Variants in CALN1 observed in about 807,000 individuals in gnomAD.
CALN1 encodes the protein calcium-binding protein 8.
In CALN1, 17 loss-of-function variants were observed where a neutral mutation model predicts 30.6. The ratio of observed to expected loss-of-function variants is 0.56; its 90% CI spans 0.38 to 0.83. The LOEUF (loss-of-function observed/expected upper bound fraction) is 0.83. CALN1 is among the 40% of genes least tolerant of loss of function. The probability of loss-of-function intolerance (pLI) is 0.00; values close to 1 mark genes in which losing one functional copy is unlikely to be tolerated. For synonymous variants in CALN1, 156 were observed against 131.4 expected (o/e 1.19, Z -1.28); for missense variants, 291 against 354.9 (o/e 0.82, Z 1.45).
chr7:72,052,603 G>T (rs1802908111), intron 4 of CALN1, among the ~76,000 whole-genome samples: 1 of 152,200 alleles, frequency 6.6e-6, no homozygotes, highest in South Asian at 2.1e-4. Flanking sequence ...CTTGTTTCTG[G>T]TCAGGTGAAC....
In CALN1 at chr7:71,812,928, TC is replaced by T. The variant is rs1392086010; in HGVS notation, c.502-2437del. On this transcript the variant is annotated intron_variant, in intron 5 of 6. Transcript: ENST00000395275. ...CCAGCTATTTTATTTATCATCATCA[TC>T]ATTATTATTATTATTATTATTATTA... Among the ~76,000 whole-genome samples, 111 of 91,128 alleles carry T rather than the reference TC, an allele frequency of 1.2e-3. 1 individual carries two copies. The highest frequency in any genetic ancestry group is 3.2e-3 in the African/African-American group (94 of 29,716). 59.8% of individuals were successfully genotyped at this position (91,128 alleles called of 152,430 possible). A position where few individuals can be genotyped will look rare whatever the true frequency, so the allele number is the denominator to read the frequency against.
At chr7:72,153,095 A>G (rs1390061769) in intron 3 of CALN1, among the ~76,000 whole-genome samples, 1 of 152,186 alleles carries the variant, frequency 6.6e-6, no homozygotes, top group Non-Finnish European at 1.5e-5. Context: ...TAAATCAGTC[A>G]CAAACAGTGA....
intron 4 of CALN1, among the ~76,000 whole-genome samples, chr7:72,079,504 A>C (rs1804971053): frequency 6.6e-6 from 1 of 152,120 alleles, no homozygotes; most frequent in South Asian, 2.1e-4. Flanking sequence ...TACGAGAGTA[A>C]TTGGTGTTTG....
chr7:71,978,468 G>T (rs1481891748), intron 5 of CALN1, among the ~76,000 whole-genome samples: 6 of 151,730 alleles, frequency 4.0e-5, no homozygotes, highest in Admixed American at 3.9e-4. Flanking sequence ...TAGAGACGGG[G>T]TTTCACCGTG....
At chr7:72,023,206 C>T (rs1406702057) in intron 5 of CALN1, among the ~76,000 whole-genome samples, 1 of 152,070 alleles carries the variant, frequency 6.6e-6, no homozygotes, top group Admixed American at 6.6e-5. Flanking sequence ...GAAACAGGAG[C>T]TAATTGAGAA....
chr7:71,870,644 T>C lies in CALN1; in HGVS notation c.502-60152A>G, dbSNP rs116214657. Among the ~76,000 whole-genome samples the C allele has an allele frequency of 5.0e-3, 757 of 152,304 alleles. 9 individuals are homozygous for C. Among genetic ancestry groups the C allele is most frequent in the African/African-American group, 0.016 (654 of 41,562 alleles). ...TTTTGATATTGAGTCTCTGTTACTT[T>C]TATAATTAGGAGAACAACAAGCTCC... is the stretch of plus-strand genomic sequence containing the variant. On this transcript the variant is annotated intron_variant, in intron 5 of 6. Transcript: ENST00000395275.
Position 71,844,199 on chromosome 7 carries a change from C to A in CALN1, c.502-33707G>T, listed in dbSNP as rs1790106951. Among the ~76,000 whole-genome samples, 3 of 152,100 alleles carry A rather than the reference C, an allele frequency of 2.0e-5. 1 individual carries two copies. The highest frequency in any genetic ancestry group is 4.4e-5 in the Non-Finnish European group (3 of 68,018). ...TTCTGAAGCCTCATTCTTGGGAATT[C>A]CTTTTATGATGGTGATCTATGTCAT... is the stretch of plus-strand genomic sequence containing the variant. On this transcript the variant is annotated intron_variant, in intron 5 of 6. Coordinates refer to ENST00000395275, the MANE Select transcript of CALN1 (RefSeq NM_031468.4).
rs143955395 is a variant in CALN1 at position 72,216,320 on chromosome 7, G to T, written c.244+62366C>A. 1.4e-4 allele frequency among the ~76,000 whole-genome samples: 21 copies of T among 151,998 alleles called. No individual in the cohort carries two copies. In the East Asian group the frequency reaches 4.1e-3, roughly 29 times the overall value. ...GTGCACCTGTAGTCCCAGATACTCG[G>T]GAGGCCTAAGCAGGAGGATCACTGG... On this transcript the variant is annotated intron_variant, in intron 3 of 6. Coordinates refer to ENST00000395275, the MANE Select transcript of CALN1 (RefSeq NM_031468.4).
chr7:72,194,592 C>CTTT lies in CALN1; in HGVS notation c.244+84091_244+84093dup, dbSNP rs1181135798. Among the ~76,000 whole-genome samples the CTTT allele has an allele frequency of 4.4e-3, 510 of 115,676 alleles. 9 individuals carry two copies. The highest frequency in any genetic ancestry group is 0.017 in the East Asian group (61 of 3,612). 75.9% of individuals were successfully genotyped at this position (115,676 alleles called of 152,430 possible). Reference sequence around the variant, plus strand: ...CAGAAGGGGATCTCCTAACTGGCCTCTTTTTTTTTTTTTTTTTTTTGACAG... The same window carrying CTTT: ...CAGAAGGGGATCTCCTAACTGGCCTCTTTTTTTTTTTTTTTTTTTTTTTGACAG... On this transcript the variant is annotated intron_variant, in intron 3 of 6. Coordinates refer to ENST00000395275, the MANE Select transcript of CALN1 (RefSeq NM_031468.4).
At chr7:72,298,730 C>T (rs1459024264) in intron 2 of CALN1, among the ~76,000 whole-genome samples, 1 of 150,722 alleles carries the variant, frequency 6.6e-6, no homozygotes, top group African/African-American at 2.4e-5. Context: ...TGGGAGGTGA[C>T]TGAATTATGG....
chr7:72,082,433 C>T (rs1476278583), intron 4 of CALN1, among the ~76,000 whole-genome samples: 1 of 152,192 alleles, frequency 6.6e-6, no homozygotes, highest in Admixed American at 6.5e-5. Context: ...GGCAGGAGAG[C>T]TGAGGGAAAT....
At chr7:72,359,023 A>G (rs1322935316) in intron 2 of CALN1, among the ~76,000 whole-genome samples, 1 of 151,240 alleles carries the variant, frequency 6.6e-6, no homozygotes, top group South Asian at 2.1e-4. Context: ...ACCTCATCAC[A>G]GTGCATCCTT....
intron 2 of CALN1, among the ~76,000 whole-genome samples, chr7:72,303,875 A>G (rs1799465022): frequency 6.6e-6 from 1 of 152,192 alleles, no homozygotes; most frequent in Non-Finnish European, 1.5e-5. Flanking sequence ...CTCTGTCTCG[A>G]GAAAATAAAA....
chr7:72,499,393 T>C, the CALN1 span, among the ~76,000 whole-genome samples: 2 of 152,226 alleles, frequency 1.3e-5, no homozygotes, highest in Non-Finnish European at 2.9e-5. Flanking sequence ...ACACTACAAA[T>C]TATTAATTAA....
intron 3 of CALN1, among the ~76,000 whole-genome samples, chr7:72,130,328 G>A (rs1338882050): frequency 6.6e-6 from 1 of 152,158 alleles, no homozygotes; most frequent in Non-Finnish European, 1.5e-5. Context: ...ATATCCTGAT[G>A]TGGAATGACC....
In CALN1 at chr7:71,984,787, C is replaced by A. The variant is rs951895718; in HGVS notation, c.501+38870G>T. Among the ~76,000 whole-genome samples the A allele has an allele frequency of 9.9e-5, 15 of 152,260 alleles. No individual in the cohort carries two copies. The East Asian group carries it at 2.5e-3, about 26-fold the overall frequency. ...AACTTTAGCATACACTTAGAGTAACCCTGTATGGCAAACACACCTGAATGA... is the reference window on the plus strand; with the variant it reads ...AACTTTAGCATACACTTAGAGTAACACTGTATGGCAAACACACCTGAATGA... On this transcript the variant is annotated intron_variant, in intron 5 of 6. Coordinates refer to ENST00000395275, the MANE Select transcript of CALN1 (RefSeq NM_031468.4).
intron 5 of CALN1, among the ~76,000 whole-genome samples, chr7:71,828,712 A>ATGTG: frequency 7.4e-6 from 1 of 135,572 alleles, no homozygotes; most frequent in African/African-American, 3.6e-5. Flanking sequence ...ACATATATAT[A>ATGTG]TGTATATGTG....
rs1014417901 is a variant in CALN1 at position 71,779,654 on chromosome 7, C to A, written c.*8121G>T. 2 of 152,010 alleles carry A rather than the reference C, an allele frequency of 1.3e-5. No homozygotes were observed. The highest frequency in any genetic ancestry group is 2.4e-5 in the African/African-American group (1 of 41,370). The allele number at this position is 152,010 out of a possible 1,614,324, so 9.4% of individuals were successfully genotyped here. On this transcript the variant is annotated 3_prime_UTR_variant, in exon 7 of 7. Coordinates refer to ENST00000395275, the MANE Select transcript of CALN1 (RefSeq NM_031468.4). ...TAAGATAACATATTAATAATATATA[C>A]TTCATTTGATCGGTAAGTTGCATGC...
In CALN1 at chr7:72,287,735, T is replaced by C. The variant is rs1798184618; in HGVS notation, c.120-8925A>G. The stretch of plus-strand genomic sequence containing the variant: ...TGCTGGGATTACAGGCGTGAGCCAC[T>C]ACGCCCAGCCTAGTTAATTTTTAAC... On this transcript the variant is annotated intron_variant, in intron 2 of 6. Coordinates refer to ENST00000395275, the MANE Select transcript of CALN1 (RefSeq NM_031468.4). Among the ~76,000 whole-genome samples the C allele has an allele frequency of 2.0e-5, 3 of 152,284 alleles. No individual in the cohort carries two copies. In the South Asian group the frequency reaches 6.2e-4, roughly 32 times the overall value.
Sources: gnomAD v4.1 joint callset for allele counts (sites outside exome capture counted in the v4.1 genomes callset) on GRCh38, gnomAD v4.1.1 for gene constraint, MANE v1.5 for transcripts, NCBI Gene and HGNC (gene_info 2026-07-23, HGNC 2026-07-21) for gene names.